Variants in NRXN1 observed in about 807,000 individuals in gnomAD.
The protein encoded by NRXN1 is neurexin 1.
NRXN1 carries 39 observed loss-of-function variants against 150.9 expected under a neutral mutation model. The observed-to-expected ratio is 0.26, with a 90% CI of 0.20 to 0.34. The LOEUF is 0.34. Ranked by LOEUF, NRXN1 falls within the 10% of genes least tolerant of loss-of-function variation. NRXN1 has a pLI of 1.00. For synonymous variants in NRXN1, 924 were observed against 757.0 expected (o/e 1.22, Z -3.62); for missense variants, 1,815 against 1,949.9 (o/e 0.93, Z 1.30).
chr2:50,399,161 T>C (rs2082236445), intron 17 of NRXN1, among the ~76,000 whole-genome samples: 1 of 151,650 alleles, frequency 6.6e-6, no homozygotes, highest in African/African-American at 2.4e-5. Context: ...GCTTTAGTAA[T>C]TTTTTAAGAG....
intron 19 of NRXN1, among the ~76,000 whole-genome samples, chr2:50,059,250 G>C (rs1694112331): frequency 1.3e-5 from 2 of 152,150 alleles, no homozygotes; most frequent in South Asian, 4.1e-4. Context: ...CAAAGAGACT[G>C]GCAGCATTTT....
chr2:50,069,641 A>G (rs1695901292), intron 19 of NRXN1, among the ~76,000 whole-genome samples: 1 of 152,086 alleles, frequency 6.6e-6, no homozygotes, highest in Admixed American at 6.5e-5. Context: ...GGAGATCTTT[A>G]TAATTAAGCC....
rs545455534 is a variant in NRXN1 at position 50,518,952 on chromosome 2, T to G, written c.2374+9673A>C. Among the ~76,000 whole-genome samples, 15 of 152,036 alleles carry G rather than the reference T, an allele frequency of 9.9e-5. No individual in the cohort carries two copies. The South Asian group carries it at 3.1e-3, about 32-fold the overall frequency. On this transcript the variant is annotated intron_variant, in intron 12 of 22. Transcript: ENST00000401669. ...TTTCTGCCTTTATTAAGTTTATTTA[T>G]TTTTTCTTCCTTTCTTTTTACTGGG... is the stretch of plus-strand genomic sequence containing the variant.
In NRXN1 at chr2:50,623,605, T is replaced by C. The variant is rs774049131; in HGVS notation, c.843A>G (p.Glu281=). ...GDQGKSKGKE[E]YIATFKGSEY... ...CAGATCCTTTGAACGTGGCAATATATTCTTCTTTTCCTAGAGGAAAACAGA... is the reference window on the plus strand; with the variant it reads ...CAGATCCTTTGAACGTGGCAATATACTCTTCTTTTCCTAGAGGAAAACAGA... The change falls in exon 6 of 23, where the codon GAA becomes GAG. Residue 281 remains glutamate, a synonymous_variant. Transcript: ENST00000401669. The C allele has an allele frequency of 9.3e-6, 15 of 1,608,716 alleles. No homozygotes were observed. Among genetic ancestry groups the C allele is most frequent in the Non-Finnish European group, 1.3e-5 (15 of 1,176,102 alleles).
At chr2:50,330,018 C>A (rs1366538840) in intron 17 of NRXN1, among the ~76,000 whole-genome samples, 1 of 151,852 alleles carries the variant, frequency 6.6e-6, no homozygotes, top group East Asian at 1.9e-4. Flanking sequence ...TGTCCAATAT[C>A]AAAAAGATTG....
At position 49,979,810 on chromosome 2, in the gene NRXN1, A is replaced by C. The variant is rs1490686247; in HGVS notation, c.4129-36019T>G. 2.6e-5 allele frequency among the ~76,000 whole-genome samples: 4 copies of C among 152,044 alleles called. No homozygotes were observed. In the East Asian group the frequency reaches 5.8e-4, roughly 22 times the overall value. Reference sequence around the variant, plus strand: ...ATGGAGTACCATTAAATTCCTATTAACTATTAATTTAATATTTGCAAGTAT... The same window carrying C: ...ATGGAGTACCATTAAATTCCTATTACCTATTAATTTAATATTTGCAAGTAT... On this transcript the variant is annotated intron_variant, in intron 21 of 22. Transcript: ENST00000401669.
intron 8 of NRXN1, among the ~76,000 whole-genome samples, chr2:50,618,412 T>C (rs1186536603): frequency 1.3e-5 from 2 of 152,266 alleles, no homozygotes; most frequent in South Asian, 2.1e-4. Context: ...TGTTAAATAA[T>C]TTAATAATTC....
chr2:50,389,431 C>G lies in NRXN1; in HGVS notation c.3364+76011G>C, dbSNP rs1382857622. 2.6e-5 allele frequency among the ~76,000 whole-genome samples: 4 copies of G among 151,424 alleles called. No individual in the cohort carries two copies. The East Asian group carries it at 7.8e-4, about 29-fold the overall frequency. On this transcript the variant is annotated intron_variant, in intron 17 of 22. Coordinates refer to ENST00000401669, the MANE Select transcript of NRXN1 (RefSeq NM_001330078.2). ...GCATACAAGCTATTTAACCAATAAA[C>G]TTAGATTTATTGGTTAATAATAATA...
intron 17 of NRXN1, among the ~76,000 whole-genome samples, chr2:50,409,540 C>A (rs982229920): frequency 1.3e-5 from 2 of 152,156 alleles, no homozygotes; most frequent in African/African-American, 2.4e-5. Flanking sequence ...TACTTAAGCA[C>A]CCTCTTTTGC....
chr2:50,886,684 C>T (rs1680300025), intron 5 of NRXN1, among the ~76,000 whole-genome samples: 3 of 151,258 alleles, frequency 2.0e-5, no homozygotes, highest in African/African-American at 7.3e-5. Flanking sequence ...GTGAAACAGA[C>T]AATATGTCCA....
intron 17 of NRXN1, among the ~76,000 whole-genome samples, chr2:50,344,777 C>G (rs1040513712): frequency 6.6e-6 from 1 of 152,174 alleles, no homozygotes; most frequent in East Asian, 1.9e-4. Context: ...TCCCCAGCAG[C>G]CTTATCCCTC....
chr2:50,641,008 G>A (rs1684000817), intron 5 of NRXN1, among the ~76,000 whole-genome samples: 1 of 152,136 alleles, frequency 6.6e-6, no homozygotes, highest in South Asian at 2.1e-4. Context: ...GAGAAAAGTA[G>A]ACACTCCATC....
At chr2:50,091,527 T>C (rs1226282256) in intron 18 of NRXN1, 33 bp from the exon 19 acceptor site, 1 of 1,602,598 alleles carries the variant, frequency 6.2e-7, no homozygotes, top group Non-Finnish European at 8.5e-7. Flanking sequence ...AGAGTTGAAT[T>C]AAGTTGACTA....
intron 17 of NRXN1, among the ~76,000 whole-genome samples, chr2:50,283,185 A>T (rs77331556): frequency 0.019 from 2,937 of 152,292 alleles, 98 homozygotes; most frequent in African/African-American, 0.067. Flanking sequence ...AGAATGTGAA[A>T]TTGTTCTGTA....
chr2:50,334,245 T>C (rs866895966), intron 17 of NRXN1, among the ~76,000 whole-genome samples: 21 of 138,062 alleles, frequency 1.5e-4, no homozygotes, highest in Middle Eastern at 7.1e-3. Context: ...GCCTCACGTC[T>C]AGGCAAAATA....
At chr2:50,420,282 T>C (rs1241458164) in intron 17 of NRXN1, among the ~76,000 whole-genome samples, 2 of 152,000 alleles carry the variant, frequency 1.3e-5, no homozygotes, top group Non-Finnish European at 2.9e-5. Flanking sequence ...AAAGTACTCA[T>C]TATTAATAGA....
At chr2:50,219,970 T>TA (rs1358858976) in intron 18 of NRXN1, among the ~76,000 whole-genome samples, 2 of 50,238 alleles carry the variant, frequency 4.0e-5, no homozygotes, top group African/African-American at 3.7e-4. Context: ...ATATTATATA[T>TA]ATATAATATA....
intron 5 of NRXN1, among the ~76,000 whole-genome samples, chr2:50,834,045 C>T (rs1424760286): frequency 2.0e-5 from 3 of 152,046 alleles, no homozygotes; most frequent in Non-Finnish European, 4.4e-5. Flanking sequence ...ATACAAAATA[C>T]TTAATGTAAA....
At chr2:50,051,520 T>C (rs1692705565) in intron 21 of NRXN1, among the ~76,000 whole-genome samples, 1 of 152,122 alleles carries the variant, frequency 6.6e-6, no homozygotes. Flanking sequence ...AGATTTACTG[T>C]AATAACTTGC....
Sources: allele counts gnomAD v4.1 joint callset (sites outside exome capture counted in the v4.1 genomes callset), GRCh38; gene constraint gnomAD v4.1.1; transcripts MANE v1.5; gene names NCBI Gene and HGNC (gene_info 2026-07-23, HGNC 2026-07-21).